Variants in RAP1GDS1 observed in about 807,000 individuals in gnomAD.
RAP1GDS1 encodes the protein RAP1, GTP-GDP dissociation stimulator 1.
A neutral mutation model predicts 71.1 loss-of-function variants in RAP1GDS1; 35 were observed. That is an observed-to-expected ratio of 0.49 (90% CI 0.38 to 0.65). The LOEUF (loss-of-function observed/expected upper bound fraction) is 0.65, where lower values mean the gene tolerates loss of function less well. Among genes scored for constraint, RAP1GDS1 ranks in the 30% least tolerant of loss-of-function variants. RAP1GDS1 has a pLI of 0.00. For missense variants in RAP1GDS1, 663 were observed against 706.1 expected (o/e 0.94, Z 0.69); for synonymous variants, 229 against 243.1 (o/e 0.94, Z 0.54).
chr4:98,282,230 G>A (rs745542982), intron 1 of RAP1GDS1, among the ~76,000 whole-genome samples: 43 of 152,164 alleles, frequency 2.8e-4, no homozygotes, highest in Non-Finnish European at 5.3e-4. Flanking sequence ...CTGTGAATCC[G>A]TCTGTCCCTG....
intron 5 of RAP1GDS1, among the ~76,000 whole-genome samples, chr4:98,382,527 TTTAG>T (rs1742162733): frequency 6.6e-6 from 1 of 151,556 alleles, no homozygotes; most frequent in African/African-American, 2.4e-5. Context: ...TTGTTACAAC[TTTAG>T]TTATTCTATA....
At chr4:98,422,041 CA>C (rs970504324) in intron 12 of RAP1GDS1, among the ~76,000 whole-genome samples, 5 of 149,720 alleles carry the variant, frequency 3.3e-5, no homozygotes, top group African/African-American at 4.9e-5. Flanking sequence ...ACTAAAAATA[CA>C]AAAAAAAATT....
At chr4:98,398,282 A>G (rs1287741186) in intron 6 of RAP1GDS1, among the ~76,000 whole-genome samples, 3 of 152,110 alleles carry the variant, frequency 2.0e-5, no homozygotes, top group Admixed American at 2.0e-4. Context: ...TCAGACCAAG[A>G]GTATTAGAAA....
chr4:98,432,592 G>A (rs1027481226), intron 12 of RAP1GDS1, among the ~76,000 whole-genome samples: 1 of 152,008 alleles, frequency 6.6e-6, no homozygotes, highest in Non-Finnish European at 1.5e-5. Context: ...TGGGCTCAAA[G>A]CAAAGATACT....
chr4:98,356,547 T>C (rs1345146433), intron 4 of RAP1GDS1, among the ~76,000 whole-genome samples: 5 of 152,102 alleles, frequency 3.3e-5, no homozygotes, highest in African/African-American at 7.2e-5. Flanking sequence ...TAGTAGAGGC[T>C]AGAAGAAAAT....
intron 2 of RAP1GDS1, among the ~76,000 whole-genome samples, chr4:98,319,202 C>T (rs935133789): frequency 6.6e-6 from 1 of 152,114 alleles, no homozygotes; most frequent in African/African-American, 2.4e-5. Context: ...TTAGCATGTT[C>T]TAGGCACTTA....
chr4:98,389,879 G>A (rs944055220), intron 5 of RAP1GDS1, among the ~76,000 whole-genome samples: 2 of 152,094 alleles, frequency 1.3e-5, no homozygotes, highest in African/African-American at 4.8e-5. Context: ...TTATTCCTCT[G>A]ATGTCCCTGG....
chr4:98,301,206 CT>C (rs1728541133), intron 2 of RAP1GDS1, among the ~76,000 whole-genome samples: 1 of 151,850 alleles, frequency 6.6e-6, no homozygotes, highest in Non-Finnish European at 1.5e-5. Flanking sequence ...ACCTTCTTTA[CT>C]TTTTTTCATA....
At position 98,443,750 on chromosome 4, in the gene RAP1GDS1, T is replaced by A. The variant is rs1752142127; in HGVS notation, c.*1633T>A. On this transcript the variant is annotated 3_prime_UTR_variant, in exon 15 of 15. Coordinates refer to ENST00000408927, the MANE Select transcript of RAP1GDS1 (RefSeq NM_001100427.2). Reference sequence around the variant, plus strand: ...TATAAGAATGATACTGTTTGTTGTCTTTCTCCTGGGCTGGATAGTGGACTA... The same window carrying A: ...TATAAGAATGATACTGTTTGTTGTCATTCTCCTGGGCTGGATAGTGGACTA... The A allele has an allele frequency of 5.2e-6, 1 of 191,672 alleles. No individual in the cohort carries two copies. Among genetic ancestry groups the A allele is most frequent in the Admixed American group, 6.2e-5 (1 of 16,256 alleles). The allele number at this position is 191,672 out of a possible 1,614,324, so 11.9% of individuals were successfully genotyped here. A position where few individuals can be genotyped will look rare whatever the true frequency, so the allele number is the denominator to read the frequency against.
chr4:98,305,858 CTT>C (rs1560805001), intron 2 of RAP1GDS1, among the ~76,000 whole-genome samples: 1 of 152,086 alleles, frequency 6.6e-6, no homozygotes, highest in East Asian at 1.9e-4. Context: ...ATTTGAAAAA[CTT>C]TTTATGTTCC....
chr4:98,286,119 G>A (rs1725959215), intron 1 of RAP1GDS1, among the ~76,000 whole-genome samples: 1 of 151,600 alleles, frequency 6.6e-6, no homozygotes, highest in African/African-American at 2.4e-5. Context: ...AATAAAATTA[G>A]CTGGGCGTTG....
At chr4:98,262,850 C>G (rs542990869) in intron 1 of RAP1GDS1, among the ~76,000 whole-genome samples, 1 of 152,130 alleles carries the variant, frequency 6.6e-6, no homozygotes, top group Non-Finnish European at 1.5e-5. Context: ...GCTTTGATCC[C>G]GACCTTTGGC....
At chr4:98,410,112 CAAAT>C (rs1746815574) in intron 7 of RAP1GDS1, among the ~76,000 whole-genome samples, 1 of 151,920 alleles carries the variant, frequency 6.6e-6, no homozygotes, top group Middle Eastern at 3.4e-3. Flanking sequence ...CTACCAAAAA[CAAAT>C]AAATAAAAGT....
chr4:98,308,103 GGCAGTAAATAAA>G (rs1467906911), intron 2 of RAP1GDS1, among the ~76,000 whole-genome samples: 1 of 151,316 alleles, frequency 6.6e-6, no homozygotes. Flanking sequence ...GACTAGCCTG[GGCAGTAAATAAA>G]GACAGCATCT....
intron 2 of RAP1GDS1, among the ~76,000 whole-genome samples, chr4:98,310,513 A>T (rs1329818222): frequency 6.6e-6 from 1 of 152,210 alleles, no homozygotes; most frequent in African/African-American, 2.4e-5. Flanking sequence ...TACTTAATTC[A>T]GCTTATTAAA....
chr4:98,390,028 A>C (rs1358249419), intron 5 of RAP1GDS1, among the ~76,000 whole-genome samples: 3 of 152,158 alleles, frequency 2.0e-5, no homozygotes, highest in Non-Finnish European at 4.4e-5. Context: ...AAATTTAATG[A>C]TTCATCAGCT....
intron 6 of RAP1GDS1, among the ~76,000 whole-genome samples, chr4:98,400,464 G>A (rs1214245529): frequency 2.0e-5 from 3 of 147,512 alleles, no homozygotes; most frequent in Non-Finnish European, 3.0e-5. Context: ...AATAAACCAG[G>A]AATAGAAAGT....
At position 98,312,332 on chromosome 4, in the gene RAP1GDS1, A is replaced by G. The variant is rs73834418; in HGVS notation, c.112+18817A>G. Among the ~76,000 whole-genome samples the G allele has an allele frequency of 3.8e-3, 580 of 152,232 alleles. 6 individuals carry two copies. The highest frequency in any genetic ancestry group is 0.013 in the African/African-American group (555 of 41,546). On this transcript the variant is annotated intron_variant, in intron 2 of 14. Transcript: ENST00000408927. ...ATCTGTTTCATTTTTTCATAGCCCT[A>G]AGACTGGAAGACACTTTTTAATGTT...
chr4:98,270,482 T>C (rs1723298613), intron 1 of RAP1GDS1, among the ~76,000 whole-genome samples: 1 of 152,116 alleles, frequency 6.6e-6, no homozygotes, highest in Non-Finnish European at 1.5e-5. Context: ...ATAAATGACC[T>C]AAAAAAACAT....
Sources: allele counts gnomAD v4.1 joint callset (sites outside exome capture counted in the v4.1 genomes callset), GRCh38; gene constraint gnomAD v4.1.1; transcripts MANE v1.5; gene names NCBI Gene and HGNC (gene_info 2026-07-23, HGNC 2026-07-21).